Variants in SYTL5 observed in about 807,000 individuals in gnomAD.
SYTL5 encodes the protein synaptotagmin like 5.
In SYTL5, 34 loss-of-function variants were observed where a neutral mutation model predicts 55.9. That is an observed-to-expected ratio of 0.61 (90% confidence interval 0.46 to 0.81). The LOEUF (loss-of-function observed/expected upper bound fraction) is 0.81, where lower values mean the gene tolerates loss of function less well. SYTL5 is among the 30% of genes least tolerant of loss of function. The pLI is 0.00. For synonymous variants in SYTL5, 221 were observed against 188.7 expected, an observed-to-expected ratio of 1.17 and a Z score of -1.40; for missense variants, 637 against 546.7, an observed-to-expected ratio of 1.17 and a Z score of -1.65.
At chrX:37,979,083 C>T in the SYTL5 span, among the ~76,000 whole-genome samples, 4 of 111,344 alleles carry the variant, frequency 3.6e-5, no homozygotes, top group African/African-American at 1.3e-4. Flanking sequence ...GTGTGTGAGA[C>T]AGGTCTCCAT....
At chrX:37,996,133 A>G in the SYTL5 span, among the ~76,000 whole-genome samples, 2 of 112,061 alleles carry the variant, frequency 1.8e-5, no homozygotes, top group African/African-American at 3.2e-5. Context: ...GTCAAGGGGC[A>G]TGGGAGAGTC....
intron 13 of SYTL5, among the ~76,000 whole-genome samples, chrX:38,119,592 A>T (rs1197789208): frequency 8.9e-6 from 1 of 112,482 alleles, no homozygotes; most frequent in Non-Finnish European, 1.9e-5. Flanking sequence ...GTTGAAGGAA[A>T]TCCATGTGGT....
chrX:38,076,562 T>C lies in SYTL5; in HGVS notation c.555-5T>C. 1.7e-6 allele frequency: 2 copies of C among 1,165,021 alleles called. No homozygotes were observed. The highest frequency in any genetic ancestry group is 2.3e-6 in the Non-Finnish European group (2 of 864,325). On this transcript the variant is annotated splice_polypyrimidine_tract_variant and splice_region_variant and intron_variant, in intron 5 of 16. Coordinates refer to ENST00000297875, the MANE Select transcript of SYTL5 (RefSeq NM_138780.3). Reference sequence around the variant, plus strand: ...CTAATTTTAAATACATATATATAATTTCAGATTTCTTCTTAGCAAGTTCAG... The same window carrying C: ...CTAATTTTAAATACATATATATAATCTCAGATTTCTTCTTAGCAAGTTCAG...
chrX:38,117,173 A>G (rs1344731214), intron 13 of SYTL5, among the ~76,000 whole-genome samples: 1 of 112,014 alleles, frequency 8.9e-6, no homozygotes, highest in African/African-American at 3.2e-5. Flanking sequence ...TTTCCTGGCA[A>G]AATATAAGTA....
chrX:38,059,188 T>G (rs1310081297), intron 3 of SYTL5, among the ~76,000 whole-genome samples: 2 of 112,125 alleles, frequency 1.8e-5, no homozygotes, highest in Non-Finnish European at 3.8e-5. Flanking sequence ...TTTTTTCTTG[T>G]AATTTCTTGA....
chrX:37,902,788 A>G, the SYTL5 span, among the ~76,000 whole-genome samples: 1 of 112,012 alleles, frequency 8.9e-6, no homozygotes, highest in African/African-American at 3.3e-5. Flanking sequence ...TGGACACATG[A>G]TCCAAGTAGA....
At chrX:37,909,022 G>C in the SYTL5 span, among the ~76,000 whole-genome samples, 1 of 110,727 alleles carries the variant, frequency 9.0e-6, no homozygotes, top group African/African-American at 3.3e-5. Flanking sequence ...AAGAACCTAG[G>C]GAGAGGTAGT....
intron 1 of SYTL5, among the ~76,000 whole-genome samples, chrX:38,007,178 T>C (rs765460630): frequency 8.9e-6 from 1 of 112,016 alleles, no homozygotes; most frequent in East Asian, 2.8e-4. Flanking sequence ...TACATTCAGT[T>C]CCATTTTTGA....
chrX:38,040,821 T>G (rs1001465663), intron 2 of SYTL5, among the ~76,000 whole-genome samples: 2 of 112,124 alleles, frequency 1.8e-5, no homozygotes, highest in Admixed American at 1.9e-4. Flanking sequence ...TTCCTTTTTT[T>G]GGGTATATAC....
intron 7 of SYTL5, among the ~76,000 whole-genome samples, chrX:38,092,487 C>G (rs1936823128): frequency 9.0e-6 from 1 of 111,576 alleles, no homozygotes; most frequent in South Asian, 3.8e-4. Flanking sequence ...AACCCGGAGT[C>G]TGATGTCCAA....
At chrX:37,931,196 G>T in the SYTL5 span, among the ~76,000 whole-genome samples, 1 of 111,888 alleles carries the variant, frequency 8.9e-6, no homozygotes, top group Non-Finnish European at 1.9e-5. Flanking sequence ...GGTATTTAAT[G>T]GTTTTGCAAT....
chrX:38,059,752 T>C, intron 3 of SYTL5, among the ~76,000 whole-genome samples: 1 of 111,496 alleles, frequency 9.0e-6, no homozygotes, highest in East Asian at 2.8e-4. Flanking sequence ...CACCAGATTC[T>C]GCCAAGATGA....
Position 38,033,740 on chromosome X carries a change from A to C in SYTL5, c.-150A>C. 1 of 363,019 alleles carries C rather than the reference A, an allele frequency of 2.8e-6. No homozygotes were observed. The allele number at this position is 363,019 out of a possible 1,213,427, so 29.9% of individuals were successfully genotyped here. ...TAGCCTGAAAGAATACTTAACTACCATACGCAATTCTGCAGAGACCTTGTA... is the reference window on the plus strand; with the variant it reads ...TAGCCTGAAAGAATACTTAACTACCCTACGCAATTCTGCAGAGACCTTGTA... On this transcript the variant is annotated 5_prime_UTR_variant, in exon 2 of 17. Transcript: ENST00000297875.
intron 1 of SYTL5, among the ~76,000 whole-genome samples, chrX:38,008,774 G>A (rs1424564723): frequency 1.5e-4 from 17 of 111,699 alleles, no homozygotes; most frequent in African/African-American, 5.5e-4. Flanking sequence ...ACTTCCAAGG[G>A]TCACCTGTAG....
At chrX:37,893,646 T>TATA in the SYTL5 span, among the ~76,000 whole-genome samples, 2,597 of 71,855 alleles carry the variant, frequency 0.036, 760 homozygotes, top group African/African-American at 0.22. Flanking sequence ...TAATTATATA[T>TATA]AATTATATAT....
At chrX:37,962,479 G>A in the SYTL5 span, among the ~76,000 whole-genome samples, 1 of 112,064 alleles carries the variant, frequency 8.9e-6, no homozygotes, top group African/African-American at 3.3e-5. Context: ...ATCATTGATG[G>A]ACATTTGGGT....
At chrX:38,000,430 G>A in the SYTL5 span, among the ~76,000 whole-genome samples, 1 of 112,292 alleles carries the variant, frequency 8.9e-6, no homozygotes, top group Non-Finnish European at 1.9e-5. Flanking sequence ...CCCTCACAGG[G>A]CATGTGATGG....
Position 38,073,620 on chromosome X carries a change from C to G in SYTL5, c.476C>G (p.Thr159Ser). The G allele has an allele frequency of 8.4e-7, 1 of 1,196,229 alleles. No homozygotes were observed. Among genetic ancestry groups the G allele is most frequent in the Admixed American group, 2.3e-5 (1 of 43,552 alleles). Residue 159 changes from threonine to serine, a missense_variant, in exon 5 of 17, where the codon ACC becomes AGC. Physicochemically the swap from Thr to Ser is moderately conservative, Grantham distance 58. Transcript: ENST00000297875. ...GAEEVQSQEQ[T>S]RQDAEKSDTS... ...GAAGAAGTACAGAGCCAAGAGCAAA[C>G]CCGCCAGGATGCAGAAAAGTCAGAC...
At chrX:38,101,087 G>A (rs1002463449) in intron 9 of SYTL5, among the ~76,000 whole-genome samples, 3 of 111,061 alleles carry the variant, frequency 2.7e-5, no homozygotes, top group Admixed American at 1.9e-4. Context: ...AAACTCAAAG[G>A]AATATATAGC....
Sources: allele counts gnomAD v4.1 joint callset (sites outside exome capture counted in the v4.1 genomes callset), GRCh38; gene constraint gnomAD v4.1.1; transcripts MANE v1.5; gene names NCBI Gene and HGNC (gene_info 2026-07-23, HGNC 2026-07-21).